Variants in C1orf52 observed in about 807,000 individuals in gnomAD.
C1orf52 encodes the protein chromosome 1 open reading frame 52.
A neutral mutation model predicts 17.2 loss-of-function variants in C1orf52; 5 were observed. The ratio of observed to expected loss-of-function variants is 0.29; its 90% CI spans 0.15 to 0.61. The LOEUF (loss-of-function observed/expected upper bound fraction) is 0.61. C1orf52 is among the 20% of genes least tolerant of loss of function. The probability of loss-of-function intolerance (pLI) is 0.85; values close to 1 mark genes in which losing one functional copy is unlikely to be tolerated. For synonymous variants in C1orf52, 110 were observed against 88.0 expected (o/e 1.25, Z -1.40); for missense variants, 245 against 234.1 (o/e 1.05, Z -0.30).
chr1:85,256,836 A>G (rs1167249767), intron 2 of C1orf52, among the ~76,000 whole-genome samples: 1 of 151,746 alleles, frequency 6.6e-6, no homozygotes, highest in Non-Finnish European at 1.5e-5. Flanking sequence ...AAACAAAAAG[A>G]TTGTACAATA....
At chr1:85,254,827 T>A (rs1381958297) in intron 2 of C1orf52, among the ~76,000 whole-genome samples, 2 of 152,268 alleles carry the variant, frequency 1.3e-5, no homozygotes, top group South Asian at 2.1e-4. Flanking sequence ...GATACTGAGA[T>A]ATTTTTGCTT....
In C1orf52 at chr1:85,250,603, G is replaced by A. The variant is rs893708448; in HGVS notation, c.*2026C>T. ...CCAAAATATTTAGCCTCTTCCCTAA[G>A]TCCTGTCTTCCTCCTCATACAACAT... On this transcript the variant is annotated 3_prime_UTR_variant, in exon 3 of 3. Coordinates refer to ENST00000471115, the MANE Select transcript of C1orf52 (RefSeq NM_198077.4). 2.0e-5 allele frequency: 3 copies of A among 152,188 alleles called. No individual in the cohort carries two copies. The highest frequency in any genetic ancestry group is 6.5e-5 in the Admixed American group (1 of 15,276). 9.4% of individuals were successfully genotyped at this position (152,188 alleles called of 1,614,324 possible).
Position 85,252,526 on chromosome 1 carries a change from C to G in C1orf52, c.*103G>C. The stretch of plus-strand genomic sequence containing the variant: ...ATACTTATTAGTTCATTAACGTATG[C>G]ATTTTCATGGAGATGTGGCATAATA... On this transcript the variant is annotated 3_prime_UTR_variant, in exon 3 of 3. Transcript: ENST00000471115. The G allele has an allele frequency of 1.2e-6, 1 of 866,528 alleles. No homozygotes were observed. The highest frequency in any genetic ancestry group is 1.5e-5 in the South Asian group (1 of 66,818). The allele number at this position is 866,528 out of a possible 1,614,324, so 53.7% of individuals were successfully genotyped here. A position where few individuals can be genotyped will look rare whatever the true frequency, so the allele number is the denominator to read the frequency against.
chr1:85,255,572 G>C (rs1170960386), intron 2 of C1orf52, among the ~76,000 whole-genome samples: 1 of 151,850 alleles, frequency 6.6e-6, no homozygotes, highest in African/African-American at 2.4e-5. Context: ...AAACCCGAAG[G>C]GCTGATAAGC....
intron 2 of C1orf52, among the ~76,000 whole-genome samples, chr1:85,255,856 G>A (rs1260206027): frequency 6.6e-6 from 1 of 152,144 alleles, no homozygotes; most frequent in Non-Finnish European, 1.5e-5. Flanking sequence ...GCCTGTATTT[G>A]TTTTCCAATA....
chr1:85,257,496 CTG>C (rs1659971842), intron 2 of C1orf52: 3 of 717,098 alleles, frequency 4.2e-6, no homozygotes, highest in South Asian at 1.5e-5. Context: ...TTAAAAATGA[CTG>C]TGGACAGGGA....
Position 85,252,511 on chromosome 1 carries a change from G to A in C1orf52, c.*118C>T, listed in dbSNP as rs1005973389. 3.9e-6 allele frequency: 3 copies of A among 776,718 alleles called. No individual in the cohort carries two copies. The highest frequency in any genetic ancestry group is 6.5e-6 in the Non-Finnish European group (3 of 462,222). 48.1% of individuals were successfully genotyped at this position (776,718 alleles called of 1,614,324 possible). A position where few individuals can be genotyped will look rare whatever the true frequency, so the allele number is the denominator to read the frequency against. On this transcript the variant is annotated 3_prime_UTR_variant, in exon 3 of 3. Coordinates refer to ENST00000471115, the MANE Select transcript of C1orf52 (RefSeq NM_198077.4). ...AAAGTTCTTGAGGCAATACTTATTAGTTCATTAACGTATGCATTTTCATGG... is the reference window on the plus strand; with the variant it reads ...AAAGTTCTTGAGGCAATACTTATTAATTCATTAACGTATGCATTTTCATGG...
chr1:85,259,218 T>C, intron 1 of C1orf52, 140 bp downstream of exon 1: 1 of 1,162,746 alleles, frequency 8.6e-7, no homozygotes, highest in Non-Finnish European at 1.2e-6. Flanking sequence ...TTCCCAGGGC[T>C]TGAGGTGGGA....
intron 1 of C1orf52, chr1:85,258,927 T>C (rs1187394929): frequency 1.6e-5 from 23 of 1,413,690 alleles, no homozygotes; most frequent in Non-Finnish European, 2.1e-5. Context: ...CTAATAACTT[T>C]TAGTTACCAA....
At position 85,259,127 on chromosome 1, in the gene C1orf52, CG is replaced by C; in HGVS notation, c.276+230del. ...CGCCGCGCGGGGTCGGGGCACCGAG[CG>C]CGGAGGTTTGGGTCTCCTCACAAGG... is the stretch of plus-strand genomic sequence containing the variant. On this transcript the variant is annotated intron_variant, in intron 1 of 2. Transcript: ENST00000471115. The C allele has an allele frequency of 3.1e-6, 4 of 1,290,098 alleles. No individual in the cohort carries two copies. The South Asian group carries it at 6.7e-5, about 22-fold the overall frequency. The allele number at this position is 1,290,098 out of a possible 1,614,324, so 79.9% of individuals were successfully genotyped here. A position where few individuals can be genotyped will look rare whatever the true frequency, so the allele number is the denominator to read the frequency against.
At chr1:85,255,730 TAG>T (rs1039147914) in intron 2 of C1orf52, among the ~76,000 whole-genome samples, 12 of 152,244 alleles carry the variant, frequency 7.9e-5, no homozygotes, top group East Asian at 1.9e-4. Flanking sequence ...GGTAAGAGTG[TAG>T]AGTTTCTGAT....
In C1orf52 at chr1:85,259,587, C is replaced by G. The variant is rs1398949230; in HGVS notation, c.47G>C (p.Gly16Ala). 2 of 1,596,052 alleles carry G rather than the reference C, an allele frequency of 1.3e-6. No homozygotes were observed. The highest frequency in any genetic ancestry group is 2.3e-5 in the South Asian group (2 of 88,672). The change falls in exon 1 of 3, where the codon GGG (glycine) becomes GCG (alanine). Residue 16 changes from glycine (G) to alanine (A), a missense_variant. By Grantham distance (60) the Gly-to-Ala change is moderately conservative (BLOSUM62 0). Coordinates refer to ENST00000471115, the MANE Select transcript of C1orf52 (RefSeq NM_198077.4). ...KDPLSYFAAY[G>A]SSSSGSSDEE... Reference sequence around the variant, plus strand: ...GTCCGAGGAGCCTGAGCTGCTGCTCCCGTATGCCGCAAAATAGCTCAGAGG... The same window carrying G: ...GTCCGAGGAGCCTGAGCTGCTGCTCGCGTATGCCGCAAAATAGCTCAGAGG...
chr1:85,259,186 A>C, intron 1 of C1orf52, 172 bp downstream of exon 1: 1 of 1,016,552 alleles, frequency 9.8e-7, no homozygotes, highest in South Asian at 1.7e-5. Context: ...AACACCCACC[A>C]GGCGGGGAGA....
intron 2 of C1orf52, among the ~76,000 whole-genome samples, chr1:85,254,828 A>G (rs1012331970): frequency 6.6e-6 from 1 of 152,260 alleles, no homozygotes; most frequent in Non-Finnish European, 1.5e-5. Context: ...ATACTGAGAT[A>G]TTTTTGCTTT....
intron 2 of C1orf52, 130 bp downstream of exon 2, chr1:85,258,390 CAGTA>C: frequency 3.5e-6 from 3 of 849,898 alleles, no homozygotes; most frequent in Non-Finnish European, 5.6e-6. Flanking sequence ...AAAAGCAGAG[CAGTA>C]AGTATCCAAA....
chr1:85,259,427 C>A lies in C1orf52; in HGVS notation c.207G>T (p.Pro69=). The A allele has an allele frequency of 6.2e-7, 1 of 1,614,026 alleles. No homozygotes were observed. The highest frequency in any genetic ancestry group is 2.2e-5 in the East Asian group (1 of 44,876). Residue 69 remains proline (P), a synonymous_variant, in exon 1 of 3, where the codon CCG becomes CCT. Transcript: ENST00000471115. The stretch of plus-strand genomic sequence containing the variant: ...TGTTGAGCGGATTGTAGAGAAAGGC[C>A]GGGCGAGTCACGCTCCTAAACAGCT... ...PDELFRSVTR[P]AFLYNPLNKQ...
chr1:85,257,957 C>CA lies in C1orf52; in HGVS notation c.475+566dup, dbSNP rs201988791. On this transcript the variant is annotated intron_variant, in intron 2 of 2. Coordinates refer to ENST00000471115, the MANE Select transcript of C1orf52 (RefSeq NM_198077.4). Reference sequence around the variant, plus strand: ...CCCACCTCTACAAAAACAAAAAAAACAAAAAAAACAAAACTAGCCCGGCGT... The same window carrying CA: ...CCCACCTCTACAAAAACAAAAAAAACAAAAAAAAACAAAACTAGCCCGGCGT... Among the ~76,000 whole-genome samples the CA allele has an allele frequency of 6.3e-3, 957 of 150,798 alleles. 1 individual carries two copies. The highest frequency in any genetic ancestry group is 0.015 in the African/African-American group (607 of 41,080).
intron 2 of C1orf52, among the ~76,000 whole-genome samples, chr1:85,254,470 T>A (rs564348917): frequency 6.6e-6 from 1 of 151,848 alleles, no homozygotes; most frequent in Admixed American, 6.6e-5. Context: ...CAGCTCATTG[T>A]AATCTCCACC....
chr1:85,253,019 A>G (rs1659838141), intron 2 of C1orf52, among the ~76,000 whole-genome samples: 1 of 152,194 alleles, frequency 6.6e-6, no homozygotes, highest in Admixed American at 6.5e-5. Flanking sequence ...CCAAATACTC[A>G]GCAAGCTTGT....
Sources: gnomAD v4.1 joint callset for allele counts (sites outside exome capture counted in the v4.1 genomes callset) on GRCh38, gnomAD v4.1.1 for gene constraint, MANE v1.5 for transcripts, NCBI Gene and HGNC (gene_info 2026-07-23, HGNC 2026-07-21) for gene names.